The following MSI2 variants were observed in gnomAD, a reference collection of about 807,000 sequenced individuals.
MSI2 encodes the protein musashi RNA binding protein 2, also known as RNA-binding protein Musashi homolog 2.
A neutral mutation model predicts 45.6 loss-of-function variants in MSI2; 17 were observed. That is an observed-to-expected ratio of 0.37 (90% confidence interval 0.26 to 0.56). The LOEUF (loss-of-function observed/expected upper bound fraction) is 0.56. Among genes scored for constraint, MSI2 ranks in the 20% least tolerant of loss-of-function variants. The pLI is 0.77. For missense variants in MSI2, 293 were observed against 444.2 expected (o/e 0.66, Z 3.06); for synonymous variants, 156 against 158.2 (o/e 0.99, Z 0.11).
intron 6 of MSI2, among the ~76,000 whole-genome samples, chr17:57,483,338 A>G (rs2085686119): frequency 6.6e-6 from 1 of 152,166 alleles, no homozygotes; most frequent in Admixed American, 6.5e-5. Flanking sequence ...GTTCATGGGG[A>G]TGTAAAATTA....
rs1487635213 is a variant in MSI2 at position 57,683,526 on chromosome 17, A to G, written c.*4009A>G. 3 of 230,948 alleles carry G rather than the reference A, an allele frequency of 1.3e-5. No individual in the cohort carries two copies. The highest frequency in any genetic ancestry group is 6.1e-5 in the East Asian group (1 of 16,276). 14.3% of individuals were successfully genotyped at this position (230,948 alleles called of 1,614,324 possible). A position where few individuals can be genotyped will look rare whatever the true frequency, so the allele number is the denominator to read the frequency against. On this transcript the variant is annotated 3_prime_UTR_variant, in exon 14 of 14. Transcript: ENST00000284073. The surrounding 1 kb of genome is among the most constrained non-coding windows in gnomAD (Gnocchi z 5.2). ...CAAGAATAAAGCAATATCGTTTACT[A>G]CATTTTTTATTGAAGGTCAGCCATG...
At chr17:57,565,875 A>G (rs1379295344) in intron 7 of MSI2, 1 of 152,314 alleles carries the variant, frequency 6.6e-6, no homozygotes, top group South Asian at 2.1e-4. Flanking sequence ...GGCTGTAGAC[A>G]TGAGACACCC....
intron 5 of MSI2, among the ~76,000 whole-genome samples, chr17:57,389,464 C>T (rs2083747660): frequency 6.6e-6 from 1 of 152,200 alleles, no homozygotes; most frequent in Non-Finnish European, 1.5e-5. Context: ...CCCCTTTCTT[C>T]CTGGCTCTCC....
chr17:57,463,328 C>G (rs1490935881), intron 6 of MSI2, among the ~76,000 whole-genome samples: 4 of 152,220 alleles, frequency 2.6e-5, no homozygotes, highest in African/African-American at 9.6e-5. Flanking sequence ...TTTGAAATGA[C>G]TTGAAAAAAA....
intron 5 of MSI2, among the ~76,000 whole-genome samples, chr17:57,348,656 C>T (rs892636951): frequency 1.6e-4 from 25 of 152,168 alleles, no homozygotes; most frequent in African/African-American, 4.8e-4. Flanking sequence ...CCGAAGCCTT[C>T]GCTGGAAGCC....
At chr17:57,578,007 C>G (rs1033491867) in intron 7 of MSI2, among the ~76,000 whole-genome samples, 2 of 152,192 alleles carry the variant, frequency 1.3e-5, no homozygotes, top group Non-Finnish European at 2.9e-5. Context: ...TTCTTCCTCC[C>G]CGCTCCTCCC....
At chr17:57,286,651 C>T (rs868292540) in intron 5 of MSI2, among the ~76,000 whole-genome samples, 7 of 152,098 alleles carry the variant, frequency 4.6e-5, no homozygotes, top group Admixed American at 1.3e-4. Flanking sequence ...TGACCTTTCC[C>T]GCCTAAAACC....
At position 57,682,317 on chromosome 17, in the gene MSI2, T is replaced by TCCCCCCC. The variant is rs397856811; in HGVS notation, c.*2806_*2812dup. 313 of 119,374 alleles carry TCCCCCCC rather than the reference T, an allele frequency of 2.6e-3. 2 individuals carry two copies. Among genetic ancestry groups the TCCCCCCC allele is most frequent in the Middle Eastern group, 8.2e-3 (2 of 244 alleles). The allele number at this position is 119,374 out of a possible 1,614,324, so 7.4% of individuals were successfully genotyped here. A position where few individuals can be genotyped will look rare whatever the true frequency, so the allele number is the denominator to read the frequency against. On this transcript the variant is annotated 3_prime_UTR_variant, in exon 14 of 14. Transcript: ENST00000284073. Reference sequence around the variant, plus strand: ...GGCGGACTCTACGGCGTTTTGTAGATCCCCCCCCCCCCACCCACTGTGAAG... The same window carrying TCCCCCCC: ...GGCGGACTCTACGGCGTTTTGTAGATCCCCCCCCCCCCCCCCCCCACCCACTGTGAAG...
In MSI2 at chr17:57,258,370, T is replaced by G; in HGVS notation, c.270+16T>G. 1.2e-6 allele frequency: 2 copies of G among 1,607,042 alleles called. No homozygotes were observed. Among genetic ancestry groups the G allele is most frequent in the Non-Finnish European group, 1.7e-6 (2 of 1,173,498 alleles). On this transcript the variant is annotated intron_variant, in intron 4 of 13. Coordinates refer to ENST00000284073, the MANE Select transcript of MSI2 (RefSeq NM_138962.4). Reference sequence around the variant, plus strand: ...TTCCAAGACGGTAGGTTGCTTTTTGTTGTTGTTGTTCGCCCCTTTTCAGGA... The same window carrying G: ...TTCCAAGACGGTAGGTTGCTTTTTGGTGTTGTTGTTCGCCCCTTTTCAGGA...
intron 10 of MSI2, among the ~76,000 whole-genome samples, chr17:57,639,299 G>A (rs1447334761): frequency 6.6e-6 from 1 of 152,224 alleles, no homozygotes; most frequent in Non-Finnish European, 1.5e-5. Context: ...TCCACCTAGA[G>A]GGCCAGCAGG....
chr17:57,589,962 A>ACCCC (rs1279433711), intron 7 of MSI2, among the ~76,000 whole-genome samples: 1 of 152,184 alleles, frequency 6.6e-6, no homozygotes, highest in African/African-American at 2.4e-5. Flanking sequence ...CCACACCCAC[A>ACCCC]CCCAAGGGAT....
At chr17:57,644,535 A>T (rs989320158) in intron 10 of MSI2, among the ~76,000 whole-genome samples, 1 of 152,086 alleles carries the variant, frequency 6.6e-6, no homozygotes, top group African/African-American at 2.4e-5. Context: ...AGGATGACAG[A>T]TGGCGGTGTT....
At chr17:57,389,724 A>G (rs2083752829) in intron 5 of MSI2, among the ~76,000 whole-genome samples, 1 of 152,208 alleles carries the variant, frequency 6.6e-6, no homozygotes, top group Non-Finnish European at 1.5e-5. Context: ...CTCAGGACTC[A>G]GCAAACCTTT....
chr17:57,363,400 A>G lies in MSI2; in HGVS notation c.313-37979A>G, dbSNP rs370180397. On this transcript the variant is annotated intron_variant, in intron 5 of 13. Coordinates refer to ENST00000284073, the MANE Select transcript of MSI2 (RefSeq NM_138962.4). Reference sequence around the variant, plus strand: ...GCTCTGTGACAAAAAGAGCTCTGTGACAGAAAGAGTGGCGATTTTATGTTA... The same window carrying G: ...GCTCTGTGACAAAAAGAGCTCTGTGGCAGAAAGAGTGGCGATTTTATGTTA... 7.2e-5 allele frequency among the ~76,000 whole-genome samples: 11 copies of G among 152,288 alleles called. No homozygotes were observed. The East Asian group carries it at 1.4e-3, about 19-fold the overall frequency.
rs1421415412 is a variant in MSI2, at chr17:57,280,637, G to A, written c.312+18445G>A. The stretch of plus-strand genomic sequence containing the variant: ...CAGGGCAGGTGTGCCTGGCTCAGGG[G>A]GTTGAGTGTAACCCCTTGGCTGGCA... On this transcript the variant is annotated intron_variant, in intron 5 of 13. Coordinates refer to ENST00000284073, the MANE Select transcript of MSI2 (RefSeq NM_138962.4). This position sits in a 1 kb window ranked among gnomAD's most constrained non-coding sequence, Gnocchi z 4.2. 6.6e-6 allele frequency among the ~76,000 whole-genome samples: 1 copy of A among 152,154 alleles called. No individual in the cohort carries two copies. Among genetic ancestry groups the A allele is most frequent in the Non-Finnish European group, 1.5e-5 (1 of 68,038 alleles).
At chr17:57,496,538 G>C (rs2085983239) in intron 6 of MSI2, among the ~76,000 whole-genome samples, 3 of 152,222 alleles carry the variant, frequency 2.0e-5, no homozygotes, top group African/African-American at 4.8e-5. Context: ...AATGTGCTCT[G>C]TCAGCCATTT....
intron 7 of MSI2, among the ~76,000 whole-genome samples, chr17:57,572,599 C>T (rs1393225333): frequency 6.6e-6 from 1 of 152,212 alleles, no homozygotes; most frequent in African/African-American, 2.4e-5. Context: ...CCTCCTGGCA[C>T]ATAAGCAGGT....
intron 10 of MSI2, among the ~76,000 whole-genome samples, chr17:57,650,877 A>G (rs1257328461): frequency 1.3e-5 from 2 of 152,098 alleles, no homozygotes; most frequent in African/African-American, 4.8e-5. Flanking sequence ...TTGACGGTGC[A>G]TGTCTTCCTC....
intron 7 of MSI2, among the ~76,000 whole-genome samples, chr17:57,559,847 C>T (rs1263775446): frequency 6.6e-6 from 1 of 152,264 alleles, no homozygotes; most frequent in Non-Finnish European, 1.5e-5. Context: ...GACGTCTCCA[C>T]AGGCTGCCCC....
Sources: gnomAD v4.1 joint callset for allele counts (sites outside exome capture counted in the v4.1 genomes callset) on GRCh38, gnomAD v4.1.1 for gene constraint, Gnocchi (gnomAD v3.1) non-coding constraint, MANE v1.5 for transcripts, NCBI Gene and HGNC (gene_info 2026-07-23, HGNC 2026-07-21) for gene names.